The following SLC13A1 variants were observed in gnomAD, a reference collection of about 807,000 sequenced individuals.
The protein encoded by SLC13A1 is solute carrier family 13 member 1, also known as Na(+)/sulfate cotransporter.
Under a neutral mutation model 70.0 loss-of-function variants are expected in SLC13A1, and 65 were observed. The ratio of observed to expected loss-of-function variants is 0.93; its 90% CI spans 0.76 to 1.14. The LOEUF (loss-of-function observed/expected upper bound fraction) is 1.14. Among genes scored for constraint, SLC13A1 ranks in the 50% most tolerant of loss-of-function variants. The pLI is 0.00. For missense variants in SLC13A1, 726 were observed against 717.8 expected, an observed-to-expected ratio of 1.01 and a Z score of -0.13; for synonymous variants, 275 against 250.5, an observed-to-expected ratio of 1.10 and a Z score of -0.92.
chr7:123,153,766 C>T (rs951129668), intron 6 of SLC13A1, among the ~76,000 whole-genome samples: 4 of 151,880 alleles, frequency 2.6e-5, no homozygotes, highest in Admixed American at 2.6e-4. Context: ...TGGAAAAGTA[C>T]TTGTGTTATA....
intron 12 of SLC13A1, among the ~76,000 whole-genome samples, chr7:123,120,682 C>A (rs1293570628): frequency 6.6e-6 from 1 of 152,024 alleles, no homozygotes; most frequent in Admixed American, 6.6e-5. Context: ...GATGTGAGCA[C>A]CAGATATCAT....
In SLC13A1 at chr7:123,113,599, G is replaced by A. The variant is rs986129990; in HGVS notation, c.*1919C>T. The A allele has an allele frequency of 1.3e-5, 2 of 152,068 alleles. No homozygotes were observed. The highest frequency in any genetic ancestry group is 4.8e-5 in the African/African-American group (2 of 41,400). The allele number at this position is 152,068 out of a possible 1,614,324, so 9.4% of individuals were successfully genotyped here. A position where few individuals can be genotyped will look rare whatever the true frequency, so the allele number is the denominator to read the frequency against. ...ATCCATGATCTGATGCAATTCAGCA[G>A]TGATAAATTGAATGACTAGAAAAAA... On this transcript the variant is annotated 3_prime_UTR_variant, in exon 15 of 15. Coordinates refer to ENST00000194130, the MANE Select transcript of SLC13A1 (RefSeq NM_022444.4).
chr7:123,148,508 C>A (rs931223938), intron 6 of SLC13A1: 1 of 453,172 alleles, frequency 2.2e-6, no homozygotes, highest in African/African-American at 2.0e-5. Context: ...AAGCCAAAAG[C>A]AACTTCATTC....
At chr7:123,181,547 T>A (rs2116619074) in intron 1 of SLC13A1, among the ~76,000 whole-genome samples, 1 of 152,190 alleles carries the variant, frequency 6.6e-6, no homozygotes, top group Admixed American at 6.5e-5. Context: ...ACCTAAGCAC[T>A]CCTGCCTTCC....
chr7:123,148,891 G>C (rs1040821774), intron 6 of SLC13A1, among the ~76,000 whole-genome samples: 10 of 152,144 alleles, frequency 6.6e-5, no homozygotes, highest in African/African-American at 2.4e-4. Context: ...ACAGGATCAG[G>C]AGAGGAGTGG....
intron 2 of SLC13A1, among the ~76,000 whole-genome samples, chr7:123,179,998 C>A (rs1321631392): frequency 1.3e-5 from 2 of 152,078 alleles, no homozygotes; most frequent in African/African-American, 4.8e-5. Context: ...CATGCGGCAG[C>A]AGAATGTCAG....
At chr7:123,124,734 T>C (rs1423805569) in intron 11 of SLC13A1, among the ~76,000 whole-genome samples, 2 of 152,116 alleles carry the variant, frequency 1.3e-5, no homozygotes, top group African/African-American at 4.8e-5. Flanking sequence ...CTCAGGCAAA[T>C]GTGCACACTT....
chr7:123,193,002 C>G (rs957392628), intron 1 of SLC13A1, among the ~76,000 whole-genome samples: 2 of 151,930 alleles, frequency 1.3e-5, no homozygotes, highest in Non-Finnish European at 2.9e-5. Context: ...TTTAGTTCCT[C>G]CTTTTCACTC....
chr7:123,189,448 C>A (rs964129220), intron 1 of SLC13A1, among the ~76,000 whole-genome samples: 3 of 152,060 alleles, frequency 2.0e-5, no homozygotes, highest in Non-Finnish European at 4.4e-5. Flanking sequence ...ACATTTCTAA[C>A]CTTTCAATAA....
At chr7:123,197,646 T>C (rs1191563126) in intron 1 of SLC13A1, among the ~76,000 whole-genome samples, 1 of 152,084 alleles carries the variant, frequency 6.6e-6, no homozygotes, top group Non-Finnish European at 1.5e-5. Flanking sequence ...AAATCCTCCA[T>C]TAACATTAAT....
rs1391162934 is a variant in SLC13A1, at chr7:123,147,315, TCAA to T, written c.661-8_661-6del. 2.5e-6 allele frequency: 4 copies of T among 1,612,638 alleles called. No individual in the cohort carries two copies. Among genetic ancestry groups the T allele is most frequent in the African/African-American group, 2.7e-5 (2 of 74,850 alleles). On this transcript the variant is annotated splice_polypyrimidine_tract_variant and splice_region_variant and intron_variant, in intron 6 of 14. Coordinates refer to ENST00000194130, the MANE Select transcript of SLC13A1 (RefSeq NM_022444.4). ...TTTGGTTCTCATGCCTGAGTTCTGT[TCAA>T]CAACAACAAAAAACTACCATGAGAA...
chr7:123,118,337 T>C (rs1585280680), intron 13 of SLC13A1, among the ~76,000 whole-genome samples: 1 of 152,188 alleles, frequency 6.6e-6, no homozygotes, highest in African/African-American at 2.4e-5. Flanking sequence ...TGTACCAATA[T>C]ACACAGCCTA....
intron 8 of SLC13A1, among the ~76,000 whole-genome samples, chr7:123,130,443 C>T (rs999712408): frequency 2.6e-5 from 4 of 152,100 alleles, no homozygotes; most frequent in African/African-American, 7.2e-5. Flanking sequence ...AATTCATTAT[C>T]CTCAGCAAAC....
At chr7:123,117,438 T>C in intron 14 of SLC13A1, 33 bp downstream of exon 14, 1 of 1,603,048 alleles carries the variant, frequency 6.2e-7, no homozygotes, top group South Asian at 1.1e-5. Flanking sequence ...AGATGTGTAT[T>C]GGATTTGATA....
intron 14 of SLC13A1, among the ~76,000 whole-genome samples, chr7:123,116,417 T>C (rs933158340): frequency 7.2e-5 from 11 of 152,186 alleles, no homozygotes; most frequent in Non-Finnish European, 1.3e-4. Flanking sequence ...ACAGAGAACA[T>C]ATGGCCCCAC....
intron 10 of SLC13A1, among the ~76,000 whole-genome samples, chr7:123,127,838 A>ATTTTTT (rs201644707): frequency 9.4e-6 from 1 of 106,788 alleles, no homozygotes; most frequent in Non-Finnish European, 1.8e-5. Context: ...CCAAAATACA[A>ATTTTTT]TTTTTTTTTT....
At chr7:123,133,258 T>C (rs913384700) in intron 8 of SLC13A1, among the ~76,000 whole-genome samples, 1 of 152,152 alleles carries the variant, frequency 6.6e-6, no homozygotes, top group African/African-American at 2.4e-5. Context: ...AAAACAATAT[T>C]CTTTCCACAG....
At chr7:123,193,407 G>C (rs1379802266) in intron 1 of SLC13A1, among the ~76,000 whole-genome samples, 2 of 152,084 alleles carry the variant, frequency 1.3e-5, no homozygotes, top group Non-Finnish European at 2.9e-5. Flanking sequence ...GCTATGCTGT[G>C]GCAAAAGTTC....
chr7:123,115,395 A>C lies in SLC13A1; in HGVS notation c.*123T>G. On this transcript the variant is annotated 3_prime_UTR_variant, in exon 15 of 15. Coordinates refer to ENST00000194130, the MANE Select transcript of SLC13A1 (RefSeq NM_022444.4). ...CAGCAGGTTTCGGGTATTCACAGGA[A>C]TTGCAGCAGCTACACCATAACTGAT... is the stretch of plus-strand genomic sequence containing the variant. The C allele has an allele frequency of 2.0e-6, 2 of 985,992 alleles. No individual in the cohort carries two copies. Among genetic ancestry groups the C allele is most frequent in the Non-Finnish European group, 3.0e-6 (2 of 675,460 alleles). The allele number at this position is 985,992 out of a possible 1,614,324, so 61.1% of individuals were successfully genotyped here. A position where few individuals can be genotyped will look rare whatever the true frequency, so the allele number is the denominator to read the frequency against.
Sources: allele counts gnomAD v4.1 joint callset (sites outside exome capture counted in the v4.1 genomes callset), GRCh38; gene constraint gnomAD v4.1.1; transcripts MANE v1.5; gene names NCBI Gene and HGNC (gene_info 2026-07-23, HGNC 2026-07-21).